The following SLC30A3 variants were observed in gnomAD, a reference collection of about 807,000 sequenced individuals.
The protein encoded by SLC30A3 is probable proton-coupled zinc antiporter SLC30A3.
In SLC30A3, 20 loss-of-function variants were observed where a neutral mutation model predicts 35.6. That is an observed-to-expected ratio of 0.56 (90% CI 0.39 to 0.82). SLC30A3 has a LOEUF of 0.82. SLC30A3 is among the 40% of genes least tolerant of loss of function. SLC30A3 has a pLI of 0.00. For missense variants in SLC30A3, 401 were observed against 530.6 expected (o/e 0.76, Z 2.40); for synonymous variants, 217 against 224.7 (o/e 0.97, Z 0.31).
At chr2:27,265,163 G>A (rs748582838), upstream of SLC30A3, among the ~76,000 whole-genome samples, 9 of 152,176 alleles carry the variant, frequency 5.9e-5, no homozygotes, top group Non-Finnish European at 1.2e-4. This position sits in a 1 kb window ranked among gnomAD's most constrained non-coding sequence, Gnocchi z 5.9. Context: ...TTCCCTTCCC[G>A]GGCAGCCCGC....
chr2:27,269,204 C>CT (rs1677624926), intron 1 of SLC30A3, among the ~76,000 whole-genome samples: 5 of 126,850 alleles, frequency 3.9e-5, no homozygotes, highest in East Asian at 2.3e-4. Flanking sequence ...TTTTCTTTTT[C>CT]TTTCTTTTTT....
At chr2:27,259,364 G>A (rs191535713) in intron 1 of SLC30A3, among the ~76,000 whole-genome samples, 16 of 152,232 alleles carry the variant, frequency 1.1e-4, no homozygotes, top group African/African-American at 3.1e-4. Context: ...GTGGTGGCAC[G>A]TGCCTGTAAT....
intron 1 of SLC30A3, among the ~76,000 whole-genome samples, chr2:27,272,906 G>A (rs1457157903): frequency 6.6e-6 from 1 of 151,626 alleles, no homozygotes; most frequent in East Asian, 2.0e-4. Context: ...ATGAAAATTA[G>A]CTGGGCATGC....
chr2:27,272,439 CAACA>C (rs2148157722), intron 1 of SLC30A3, among the ~76,000 whole-genome samples: 1 of 151,814 alleles, frequency 6.6e-6, no homozygotes, highest in Admixed American at 6.6e-5. Context: ...ATACAATGGT[CAACA>C]AACAAACAAG....
At chr2:27,260,203 C>T (rs746321855) in intron 1 of SLC30A3, among the ~76,000 whole-genome samples, 10 of 152,028 alleles carry the variant, frequency 6.6e-5, no homozygotes, top group Non-Finnish European at 1.3e-4. Context: ...AAGAGACGAG[C>T]GGGACATTGG....
In SLC30A3 at chr2:27,257,819, G is replaced by C; in HGVS notation, c.578+86C>G. ...GTGTGTGCGTGTCTGTGTGTCTGGT[G>C]GGGAGGAGAGAGCCAGCTCTCCCAT... On this transcript the variant is annotated intron_variant, in intron 4 of 7. Transcript: ENST00000233535. This position sits in a 1 kb window ranked among gnomAD's most constrained non-coding sequence, Gnocchi z 4.7. 3.0e-6 allele frequency: 4 copies of C among 1,320,234 alleles called. No individual in the cohort carries two copies. The South Asian group carries it at 5.3e-5, about 18-fold the overall frequency. The allele number at this position is 1,320,234 out of a possible 1,614,324, so 81.8% of individuals were successfully genotyped here.
chr2:27,259,442 G>A (rs896943274), intron 1 of SLC30A3, among the ~76,000 whole-genome samples: 3 of 151,600 alleles, frequency 2.0e-5, no homozygotes, highest in Non-Finnish European at 2.9e-5. Flanking sequence ...GCAGTGAGCC[G>A]AGATCGTGCC....
Position 27,262,804 on chromosome 2 carries a change from T to G in SLC30A3, c.95+8A>C. ...CCCGGGCCGAGGGCCAGCCCAGGTC[T>G]GTCCTACCTCTTCAAACGCAGGCTG... On this transcript the variant is annotated splice_region_variant and intron_variant, in intron 1 of 7. Coordinates refer to ENST00000233535, the MANE Select transcript of SLC30A3 (RefSeq NM_003459.5). This position sits in a 1 kb window ranked among gnomAD's most constrained non-coding sequence, Gnocchi z 7.5. The G allele has an allele frequency of 1.3e-6, 2 of 1,558,876 alleles. No individual in the cohort carries two copies. The highest frequency in any genetic ancestry group is 1.7e-6 in the Non-Finnish European group (2 of 1,158,016).
chr2:27,262,749 G>T lies in SLC30A3; in HGVS notation c.95+63C>A. The T allele has an allele frequency of 1.4e-6, 2 of 1,420,474 alleles. No individual in the cohort carries two copies. The highest frequency in any genetic ancestry group is 1.5e-5 in the South Asian group (1 of 68,356). The allele number at this position is 1,420,474 out of a possible 1,614,324, so 88.0% of individuals were successfully genotyped here. ...CGGGGCCCGCGCCGAGAGAGACAAC[G>T]AAATGGACGGAGGGTAGTAGGGTGG... is the stretch of plus-strand genomic sequence containing the variant. On this transcript the variant is annotated intron_variant, in intron 1 of 7. Coordinates refer to ENST00000233535, the MANE Select transcript of SLC30A3 (RefSeq NM_003459.5). This position sits in a 1 kb window ranked among gnomAD's most constrained non-coding sequence, Gnocchi z 7.5.
chr2:27,256,881 C>T lies in SLC30A3; in HGVS notation c.790G>A (p.Ala264Thr), dbSNP rs1203804286. The T allele has an allele frequency of 6.2e-7, 1 of 1,607,170 alleles. No homozygotes were observed. Among genetic ancestry groups the T allele is most frequent in the Non-Finnish European group, 8.5e-7 (1 of 1,178,216 alleles). Residue 264 changes from alanine (A) to threonine (T), a missense_variant, in exon 6 of 8, where the codon GCA (alanine) becomes ACA (threonine). Physicochemically the swap from Ala to Thr is moderately conservative, Grantham distance 58. This residue lies in a region of SLC30A3 where 296 missense variants were observed against 392.6 expected (regional missense o/e 0.75). Transcript: ENST00000233535. Reference sequence around the variant, plus strand: ...AGGAAGGTGCTGATGGGGTCGGCTGCCTTGTATTGAGGCTGCAGAGAAAGA... The same window carrying T: ...AGGAAGGTGCTGATGGGGTCGGCTGTCTTGTATTGAGGCTGCAGAGAAAGA... ...ILIYFKPQYKAADPISTFLFS... is the reference protein window; with the variant it reads ...ILIYFKPQYKTADPISTFLFS...
chr2:27,264,338 CA>C (rs764818596), upstream of SLC30A3, among the ~76,000 whole-genome samples: 1 of 151,892 alleles, frequency 6.6e-6, no homozygotes, highest in African/African-American at 2.4e-5. The surrounding 1 kb of genome is among the most constrained non-coding windows in gnomAD (Gnocchi z 6.1). Flanking sequence ...AGTGCACTTG[CA>C]AAAAAACAAA....
Position 27,258,638 on chromosome 2 carries a change from T to C in SLC30A3, c.277+115A>G, listed in dbSNP as rs1347238182. The C allele has an allele frequency of 8.5e-7, 1 of 1,177,342 alleles. No homozygotes were observed. The highest frequency in any genetic ancestry group is 1.9e-5 in the Admixed American group (1 of 53,706). The allele number at this position is 1,177,342 out of a possible 1,614,324, so 72.9% of individuals were successfully genotyped here. ...GAGTCCTGGGCACCCAGCTCCCCTA[T>C]CCCAGCCATCCCCATCTCTGCATCT... On this transcript the variant is annotated intron_variant, in intron 2 of 7. Coordinates refer to ENST00000233535, the MANE Select transcript of SLC30A3 (RefSeq NM_003459.5). This position sits in a 1 kb window ranked among gnomAD's most constrained non-coding sequence, Gnocchi z 4.0.
intron 6 of SLC30A3, 61 bp from the exon 7 acceptor site, chr2:27,256,581 C>T: frequency 6.2e-7 from 1 of 1,605,718 alleles, no homozygotes; most frequent in Admixed American, 1.7e-5. Context: ...AGCAGCACCC[C>T]CACCACTGGA....
At chr2:27,259,046 G>GA in intron 1 of SLC30A3, 112 bp from the exon 2 acceptor site, 1 of 832,302 alleles carries the variant, frequency 1.2e-6, no homozygotes. Context: ...CCCCAGGCCT[G>GA]GTCGTATCTG....
chr2:27,275,495 G>T, upstream of SLC30A3: 1 of 333,740 alleles, frequency 3.0e-6, no homozygotes, highest in Non-Finnish European at 5.9e-6. Context: ...CGGCCGGTGT[G>T]AAGTTTCACA....
chr2:27,267,521 T>G (rs1677541097), upstream of SLC30A3, among the ~76,000 whole-genome samples: 1 of 152,138 alleles, frequency 6.6e-6, no homozygotes. Flanking sequence ...GGCCTTCACA[T>G]TTGCTTATCT....
intron 1 of SLC30A3, among the ~76,000 whole-genome samples, chr2:27,274,061 G>A (rs1205432475): frequency 2.0e-5 from 3 of 152,234 alleles, no homozygotes; most frequent in Non-Finnish European, 2.9e-5. Flanking sequence ...AATGGCTCAC[G>A]CCTGTAATCC....
At chr2:27,256,342 G>C (rs1430202028) in intron 7 of SLC30A3, 44 bp downstream of exon 7, 1 of 1,603,338 alleles carries the variant, frequency 6.2e-7, no homozygotes, top group African/African-American at 1.3e-5. Flanking sequence ...GTTTGGGGTG[G>C]GGTATGTTCC....
rs1677765249 is a variant in SLC30A3, at chr2:27,272,466, G to A, written c.-159+2711C>T. Among the ~76,000 whole-genome samples, 6 of 151,664 alleles carry A rather than the reference G, an allele frequency of 4.0e-5. No homozygotes were observed. The South Asian group carries it at 1.3e-3, about 32-fold the overall frequency. Reference sequence around the variant, plus strand: ...ACAAACAAACAAGGTCCTTGCCCTCGTGGAGCTGTCACCTGGGGAAGGCAG... The same window carrying A: ...ACAAACAAACAAGGTCCTTGCCCTCATGGAGCTGTCACCTGGGGAAGGCAG... On this transcript the variant is annotated intron_variant, in intron 1 of 5. Coordinates refer to the SLC30A3 transcript ENST00000424577.
Sources: gnomAD v4.1 joint callset for allele counts (sites outside exome capture counted in the v4.1 genomes callset) on GRCh38, gnomAD v4.1.1 for gene constraint, gnomAD v4.1.1 regional missense constraint, Gnocchi (gnomAD v3.1) non-coding constraint, MANE v1.5 for transcripts, NCBI Gene and HGNC (gene_info 2026-07-23, HGNC 2026-07-21) for gene names.